The following CYFIP2 variants were observed in gnomAD, a reference collection of about 807,000 sequenced individuals.
The protein encoded by CYFIP2 is cytoplasmic FMR1-interacting protein 2.
CYFIP2 carries 29 observed loss-of-function variants against 158.7 expected under a neutral mutation model. The ratio of observed to expected loss-of-function variants is 0.18; its 90% CI spans 0.14 to 0.25. The LOEUF (loss-of-function observed/expected upper bound fraction) is 0.25. CYFIP2 is among the 10% of genes least tolerant of loss of function. The pLI is 1.00. For synonymous variants in CYFIP2, 585 were observed against 617.6 expected (o/e 0.95, Z 0.78); for missense variants, 852 against 1,639.5 (o/e 0.52, Z 8.29).
At chr5:157,344,675 G>A (rs547302790) in intron 23 of CYFIP2, among the ~76,000 whole-genome samples, 33 of 152,246 alleles carry the variant, frequency 2.2e-4, no homozygotes, top group African/African-American at 7.9e-4. Flanking sequence ...GTCAGCCTAC[G>A]CATATTCACA....
At chr5:157,267,330 C>T (rs1229483166) in intron 1 of CYFIP2, among the ~76,000 whole-genome samples, 3 of 152,210 alleles carry the variant, frequency 2.0e-5, no homozygotes, top group Non-Finnish European at 4.4e-5. Context: ...ACTGTCGGTT[C>T]CTGTGTTCCC....
Position 157,393,187 on chromosome 5 carries a change from G to C in CYFIP2, c.*187G>C, listed in dbSNP as rs761407775. The C allele has an allele frequency of 8.6e-4, 413 of 477,754 alleles. 2 individuals are homozygous for C. Among genetic ancestry groups the C allele is most frequent in the Non-Finnish European group, 7.9e-4 (221 of 280,802 alleles). The allele number at this position is 477,754 out of a possible 1,614,324, so 29.6% of individuals were successfully genotyped here. ...TGCTCTCCCATGACATCTCCATGCT[G>C]GTTTCTCCATAGCATAAATGAAAAA... is the stretch of plus-strand genomic sequence containing the variant. On this transcript the variant is annotated 3_prime_UTR_variant, in exon 31 of 31. Coordinates refer to ENST00000620254, the MANE Select transcript of CYFIP2 (RefSeq NM_001037333.3).
At chr5:157,313,419 G>A (rs981032163) in intron 11 of CYFIP2, among the ~76,000 whole-genome samples, 9 of 152,124 alleles carry the variant, frequency 5.9e-5, no homozygotes, top group Non-Finnish European at 7.3e-5. Flanking sequence ...GCTATATAGC[G>A]CATTAGCCCT....
At chr5:157,289,325 G>A (rs1243548433) in intron 3 of CYFIP2, among the ~76,000 whole-genome samples, 2 of 152,230 alleles carry the variant, frequency 1.3e-5, no homozygotes, top group African/African-American at 2.4e-5. Flanking sequence ...ACTGTAAAGT[G>A]CATATAGGGA....
At chr5:157,323,606 C>T (rs1760781574) in intron 15 of CYFIP2, among the ~76,000 whole-genome samples, 1 of 152,214 alleles carries the variant, frequency 6.6e-6, no homozygotes, top group African/African-American at 2.4e-5. Flanking sequence ...TCTGGGAAAG[C>T]AGGGAGTGAC....
At chr5:157,373,152 A>G (rs1171362609) in intron 26 of CYFIP2, among the ~76,000 whole-genome samples, 1 of 152,184 alleles carries the variant, frequency 6.6e-6, no homozygotes, top group African/African-American at 2.4e-5. Context: ...GGCTCAGAAG[A>G]TTTCAGCCAT....
chr5:157,365,901 G>A (rs893291102), intron 26 of CYFIP2, among the ~76,000 whole-genome samples: 8 of 151,588 alleles, frequency 5.3e-5, no homozygotes, highest in South Asian at 2.1e-4. Context: ...TGAATCATCC[G>A]TTTTACTGTG....
chr5:157,336,681 G>T (rs763257327), intron 21 of CYFIP2, among the ~76,000 whole-genome samples: 1 of 152,210 alleles, frequency 6.6e-6, no homozygotes, highest in Non-Finnish European at 1.5e-5. Context: ...GCCCACTGGG[G>T]TGTTTTACTG....
At chr5:157,358,213 G>C (rs557103283) in intron 23 of CYFIP2, among the ~76,000 whole-genome samples, 1 of 152,156 alleles carries the variant, frequency 6.6e-6, no homozygotes, top group Non-Finnish European at 1.5e-5. Context: ...CTATAGCATG[G>C]TTGTATATAC....
At chr5:157,391,302 T>A (rs1767260356) in intron 30 of CYFIP2, among the ~76,000 whole-genome samples, 1 of 152,062 alleles carries the variant, frequency 6.6e-6, no homozygotes, top group African/African-American at 2.4e-5. Context: ...TTTTAAAAAA[T>A]ACACATAAAA....
intron 23 of CYFIP2, among the ~76,000 whole-genome samples, chr5:157,347,185 G>A (rs1032443936): frequency 6.6e-6 from 1 of 152,142 alleles, no homozygotes; most frequent in African/African-American, 2.4e-5. Context: ...AAGAAAGCCA[G>A]GCACAGCTGC....
chr5:157,314,564 A>C, intron 12 of CYFIP2, 101 bp downstream of exon 12: 1 of 1,456,234 alleles, frequency 6.9e-7, no homozygotes. Context: ...TTACGGAGTT[A>C]CAATTCACGT....
chr5:157,342,088 ACAAG>A (rs1361983707), intron 23 of CYFIP2: 2 of 152,642 alleles, frequency 1.3e-5, no homozygotes, highest in Non-Finnish European at 2.9e-5. Context: ...TTTATCAAAG[ACAAG>A]CAAGCAGGCA....
intron 26 of CYFIP2, chr5:157,376,790 A>T (rs1393243714): frequency 2.4e-6 from 1 of 425,430 alleles, no homozygotes; most frequent in Non-Finnish European, 4.8e-6. Context: ...CCCTGGGGTC[A>T]GCCTCCATCC....
intron 26 of CYFIP2, among the ~76,000 whole-genome samples, chr5:157,366,036 C>T (rs577980330): frequency 6.6e-6 from 1 of 152,248 alleles, no homozygotes; most frequent in South Asian, 2.1e-4. Flanking sequence ...ATTAGGTTAG[C>T]TTCAAAGCAG....
At chr5:157,312,227 T>TA (rs762137276) in intron 11 of CYFIP2, among the ~76,000 whole-genome samples, 138 of 151,232 alleles carry the variant, frequency 9.1e-4, no homozygotes, top group Non-Finnish European at 8.3e-4. Flanking sequence ...ATGATCATTG[T>TA]AAAAAAAAAT....
intron 11 of CYFIP2, among the ~76,000 whole-genome samples, chr5:157,312,357 G>A (rs371243528): frequency 4.7e-5 from 7 of 149,016 alleles, no homozygotes; most frequent in East Asian, 3.9e-4. Context: ...CATGATCAGC[G>A]CACAAACCTC....
chr5:157,365,849 G>A (rs920989948), intron 26 of CYFIP2, among the ~76,000 whole-genome samples: 5 of 151,286 alleles, frequency 3.3e-5, no homozygotes, highest in Admixed American at 1.3e-4. Context: ...TTTTATTACC[G>A]AATCAGTTAC....
intron 26 of CYFIP2, among the ~76,000 whole-genome samples, chr5:157,375,290 G>A (rs759492509): frequency 4.6e-5 from 7 of 152,178 alleles, no homozygotes; most frequent in Non-Finnish European, 1.0e-4. Context: ...AAGAAGTATT[G>A]CTCTATTATA....
Sources: gnomAD v4.1 joint callset for allele counts (sites outside exome capture counted in the v4.1 genomes callset) on GRCh38, gnomAD v4.1.1 for gene constraint, MANE v1.5 for transcripts, NCBI Gene and HGNC (gene_info 2026-07-23, HGNC 2026-07-21) for gene names.